ZNF780A: variants seen among roughly 807,000 people sequenced by gnomAD.
The protein encoded by ZNF780A is zinc finger protein 780A.
A neutral mutation model predicts 56.7 loss-of-function variants in ZNF780A; 40 were observed. The ratio of observed to expected loss-of-function variants is 0.71; its 90% CI spans 0.55 to 0.92. The LOEUF is 0.92. Among genes scored for constraint, ZNF780A ranks in the 40% least tolerant of loss-of-function variants. The probability of loss-of-function intolerance (pLI) is 0.00; values close to 1 mark genes in which losing one functional copy is unlikely to be tolerated. For synonymous variants in ZNF780A, 231 were observed against 248.3 expected (o/e 0.93, Z 0.66); for missense variants, 672 against 783.3 (o/e 0.86, Z 1.70).
At chr19:40,078,880 A>G (rs1316888593) in intron 5 of ZNF780A, among the ~76,000 whole-genome samples, 1 of 152,184 alleles carries the variant, frequency 6.6e-6, no homozygotes, top group Non-Finnish European at 1.5e-5. Flanking sequence ...TGTTACCCCT[A>G]TAGAAAACAA....
chr19:40,081,570 G>A (rs1043453962), intron 5 of ZNF780A, among the ~76,000 whole-genome samples: 1 of 151,800 alleles, frequency 6.6e-6, no homozygotes, highest in African/African-American at 2.4e-5. Flanking sequence ...AAAAAAAGAG[G>A]GAACTTACTC....
At chr19:40,078,637 CA>C (rs1974294136) in intron 5 of ZNF780A, among the ~76,000 whole-genome samples, 1 of 152,192 alleles carries the variant, frequency 6.6e-6, no homozygotes, top group African/African-American at 2.4e-5. Flanking sequence ...ATGGTATATT[CA>C]AAATGTTGAA....
chr19:40,085,501 C>T (rs1294057629), intron 2 of ZNF780A: 2 of 310,684 alleles, frequency 6.4e-6, no homozygotes, highest in African/African-American at 4.6e-5. Flanking sequence ...GACTAACAGA[C>T]ATTAATAGAA....
intron 4 of ZNF780A, among the ~76,000 whole-genome samples, chr19:40,082,211 AG>A (rs1974523406): frequency 6.6e-6 from 1 of 152,196 alleles, no homozygotes; most frequent in South Asian, 2.1e-4. Context: ...ACTCACTAGC[AG>A]TATGACCTCA....
chr19:40,084,710 C>T (rs1974684028), intron 3 of ZNF780A, 35 bp downstream of exon 3: 1 of 1,544,156 alleles, frequency 6.5e-7, no homozygotes, highest in South Asian at 1.2e-5. Flanking sequence ...TGAAAGTCAC[C>T]ATATTTCAAG....
chr19:40,087,308 C>G (rs369189775), intron 2 of ZNF780A, among the ~76,000 whole-genome samples: 4 of 152,062 alleles, frequency 2.6e-5, no homozygotes, highest in African/African-American at 9.7e-5. Flanking sequence ...GGAGAGCTAT[C>G]CTGTGCATAA....
intron 4 of ZNF780A, among the ~76,000 whole-genome samples, chr19:40,082,259 A>G (rs975237459): frequency 6.6e-6 from 1 of 152,144 alleles, no homozygotes; most frequent in South Asian, 2.1e-4. Context: ...AGTTTTCCCA[A>G]CTCTAAAATG....
In ZNF780A at chr19:40,074,855, A is replaced by C; in HGVS notation, c.1587T>G (p.Phe529Leu). The change falls in exon 6 of 6, where the codon TTT becomes TTG. Residue 529 changes from phenylalanine to leucine, a missense_variant. By Grantham distance (22) the Phe-to-Leu change is conservative. Transcript: ENST00000683561. ...AGAATTTCCCACATTCCTTACATTC[A>C]AATGGTTTTTCACCTGTGTGAGTTT... ...HQKTHTGEKP[F>L]ECKECGKFFR... is the part of the protein sequence containing the mutation. 6.2e-7 allele frequency: 1 copy of C among 1,614,236 alleles called. No individual in the cohort carries two copies. Among genetic ancestry groups the C allele is most frequent in the South Asian group, 1.1e-5 (1 of 91,078 alleles).
At chr19:40,080,817 G>A (rs1433136473) in intron 5 of ZNF780A, among the ~76,000 whole-genome samples, 1 of 151,920 alleles carries the variant, frequency 6.6e-6, no homozygotes, top group East Asian at 1.9e-4. Flanking sequence ...GTACCCCTTG[G>A]ACCTAAAATA....
At chr19:40,090,486 T>C (rs559175375) in intron 1 of ZNF780A, 2 of 152,340 alleles carry the variant, frequency 1.3e-5, no homozygotes, top group South Asian at 2.1e-4. Context: ...ACTTCTGCGC[T>C]TTCTTGTGTA....
At chr19:40,076,381 C>T (rs1233463872) in intron 5 of ZNF780A, among the ~76,000 whole-genome samples, 172 bp from the exon 6 acceptor site, 1 of 152,110 alleles carries the variant, frequency 6.6e-6, no homozygotes, top group Non-Finnish European at 1.5e-5. Context: ...CTTCTGTTTC[C>T]AGTGGAAGCA....
At chr19:40,084,911 C>T (rs951960659) in intron 2 of ZNF780A, 113 bp from the exon 3 acceptor site, 2 of 1,271,108 alleles carry the variant, frequency 1.6e-6, no homozygotes, top group African/African-American at 1.5e-5. Context: ...CGCACACTTC[C>T]ACCCTTCTCC....
intron 5 of ZNF780A, among the ~76,000 whole-genome samples, chr19:40,079,079 T>C (rs1011386323): frequency 6.6e-6 from 1 of 152,132 alleles, no homozygotes; most frequent in African/African-American, 2.4e-5. Context: ...GACCCAATTA[T>C]ATGCTGCCAA....
Position 40,074,072 on chromosome 19 carries a change from GAA to G in ZNF780A, c.*442_*443del, listed in dbSNP as rs750276787. 131 of 1,256,118 alleles carry G rather than the reference GAA, an allele frequency of 1.0e-4. No individual in the cohort carries two copies. The highest frequency in any genetic ancestry group is 1.0e-3 in the Admixed American group (35 of 34,056). The allele number at this position is 1,256,118 out of a possible 1,614,324, so 77.8% of individuals were successfully genotyped here. A position where few individuals can be genotyped will look rare whatever the true frequency, so the allele number is the denominator to read the frequency against. On this transcript the variant is annotated 3_prime_UTR_variant, in exon 6 of 6. Transcript: ENST00000683561. ...GTGCAGTCAGGACCAAACTAAATCTGAAAGTTTTCCCACACTCCTTACATTCA... is the reference window on the plus strand; with the variant it reads ...GTGCAGTCAGGACCAAACTAAATCTGAGTTTTCCCACACTCCTTACATTCA...
Position 40,087,650 on chromosome 19 carries a change from A to T in ZNF780A, c.-46+2516T>A, listed in dbSNP as rs559613720. On this transcript the variant is annotated intron_variant, in intron 2 of 5. Transcript: ENST00000683561. ...TACATTCCTTACAGAAACAGGAAAA[A>T]AACAAAAATGCTAAAATTTGTATAG... 6.8e-4 allele frequency among the ~76,000 whole-genome samples: 102 copies of T among 149,252 alleles called. 3 individuals carry two copies. In the South Asian group the frequency reaches 0.012, roughly 17 times the overall value.
chr19:40,079,459 A>G (rs1402776590), intron 5 of ZNF780A, among the ~76,000 whole-genome samples: 1 of 152,160 alleles, frequency 6.6e-6, no homozygotes, highest in African/African-American at 2.4e-5. Context: ...AACAAGAAAC[A>G]TTGGATTTAA....
chr19:40,087,377 G>C (rs1196508049), intron 2 of ZNF780A, among the ~76,000 whole-genome samples: 1 of 152,116 alleles, frequency 6.6e-6, no homozygotes, highest in Admixed American at 6.5e-5. Context: ...CACCCTCCCC[G>C]ACAGCATGAC....
In ZNF780A at chr19:40,074,320, T is replaced by C; in HGVS notation, c.*196A>G. The C allele has an allele frequency of 6.6e-7, 1 of 1,514,116 alleles. No individual in the cohort carries two copies. Among genetic ancestry groups the C allele is most frequent in the Non-Finnish European group, 8.8e-7 (1 of 1,135,308 alleles). The allele number at this position is 1,514,116 out of a possible 1,614,324, so 93.8% of individuals were successfully genotyped here. On this transcript the variant is annotated 3_prime_UTR_variant, in exon 6 of 6. Transcript: ENST00000683561. ...TAATGTTAAATAAGTGGTAATGATA[T>C]CTAAAGGTCGTCCTCCACTCCTTGC...
chr19:40,085,112 G>A, intron 2 of ZNF780A: 1 of 975,178 alleles, frequency 1.0e-6, no homozygotes, highest in Non-Finnish European at 1.2e-6. Context: ...TACCTATCTT[G>A]GCCTAGGTCT....
Sources: allele counts gnomAD v4.1 joint callset (sites outside exome capture counted in the v4.1 genomes callset), GRCh38; gene constraint gnomAD v4.1.1; transcripts MANE v1.5; gene names NCBI Gene and HGNC (gene_info 2026-07-23, HGNC 2026-07-21).